Variants in STRN observed in about 807,000 individuals in gnomAD.
STRN encodes the protein striatin, also known as protein phosphatase 2 regulatory subunit B'''alpha.
Under a neutral mutation model 96.3 loss-of-function variants are expected in STRN, and 53 were observed. That is an observed-to-expected ratio of 0.55 (90% CI 0.44 to 0.69). The LOEUF (loss-of-function observed/expected upper bound fraction) is 0.69. Ranked by LOEUF, STRN falls within the 30% of genes least tolerant of loss-of-function variation. STRN has a pLI of 0.00. For synonymous variants in STRN, 428 were observed against 355.9 expected (o/e 1.20, Z -2.28); for missense variants, 987 against 963.9 (o/e 1.02, Z -0.32).
chr2:36,906,491 G>A (rs529912211), intron 3 of STRN, among the ~76,000 whole-genome samples: 4 of 151,952 alleles, frequency 2.6e-5, no homozygotes, highest in Non-Finnish European at 4.4e-5. Context: ...ATGAATGAAT[G>A]AGTAACAAAT....
At chr2:36,939,123 T>G (rs867804234) in intron 1 of STRN, among the ~76,000 whole-genome samples, 6 of 152,172 alleles carry the variant, frequency 3.9e-5, no homozygotes, top group Middle Eastern at 3.4e-3. Flanking sequence ...GTAGCTGGAA[T>G]TACAGGCACG....
chr2:36,965,739 C>T (rs1158904200), intron 1 of STRN, among the ~76,000 whole-genome samples: 2 of 152,186 alleles, frequency 1.3e-5, no homozygotes, highest in African/African-American at 4.8e-5. Context: ...GTCAACTTCT[C>T]GCCTCGACTC....
intron 1 of STRN, among the ~76,000 whole-genome samples, chr2:36,956,628 A>T (rs933662763): frequency 1.3e-5 from 2 of 152,226 alleles, no homozygotes; most frequent in East Asian, 1.9e-4. Context: ...CTGAACTTTC[A>T]AACACCTTTC....
intron 7 of STRN, among the ~76,000 whole-genome samples, chr2:36,890,723 A>G (rs1033638544): frequency 4.6e-5 from 7 of 152,036 alleles, no homozygotes; most frequent in Non-Finnish European, 1.0e-4. Flanking sequence ...ACCTCAGGTG[A>G]TCCACCCGCC....
rs1283006878 is a variant in STRN, at chr2:36,847,848, G to T, written c.*1608C>A. 1 of 152,090 alleles carries T rather than the reference G, an allele frequency of 6.6e-6. No homozygotes were observed. Among genetic ancestry groups the T allele is most frequent in the Non-Finnish European group, 1.5e-5 (1 of 68,000 alleles). The allele number at this position is 152,090 out of a possible 1,614,324, so 9.4% of individuals were successfully genotyped here. ...TCATTGTTATGACGATGGAAAATGT[G>T]GGGAATGGAATATGTAGAAATTGTT... On this transcript the variant is annotated 3_prime_UTR_variant, in exon 18 of 18. Transcript: ENST00000263918.
chr2:36,915,580 G>A (rs538321228), intron 3 of STRN, among the ~76,000 whole-genome samples: 1 of 152,262 alleles, frequency 6.6e-6, no homozygotes, highest in African/African-American at 2.4e-5. Context: ...GTTAAAACAT[G>A]TTCTAGTTAC....
At chr2:36,872,435 A>C (rs564219486) in intron 10 of STRN, among the ~76,000 whole-genome samples, 35 of 152,358 alleles carry the variant, frequency 2.3e-4, no homozygotes, top group African/African-American at 8.2e-4. Context: ...GCTCTGGCCA[A>C]CATCTTGATT....
intron 12 of STRN, among the ~76,000 whole-genome samples, chr2:36,863,329 A>G (rs1668542073): frequency 6.6e-6 from 1 of 152,110 alleles, no homozygotes; most frequent in Admixed American, 6.5e-5. Context: ...TAAGTCTTTA[A>G]TCCGTCTGAA....
rs2148112309 is a variant in STRN at position 36,842,852 on chromosome 2, A to C, written c.*6604T>G. On this transcript the variant is annotated 3_prime_UTR_variant, in exon 18 of 18. Coordinates refer to ENST00000263918, the MANE Select transcript of STRN (RefSeq NM_003162.4). ...ACTGGAGTGTTCTGGTCATCCTGAG[A>C]AGTAACAGGCGGAGGGATGCTCCAT... Among the ~76,000 whole-genome samples, 1 of 152,244 alleles carries C rather than the reference A, an allele frequency of 6.6e-6. No individual in the cohort carries two copies. The highest frequency in any genetic ancestry group is 2.4e-5 in the African/African-American group (1 of 41,552).
intron 1 of STRN, among the ~76,000 whole-genome samples, chr2:36,926,950 G>C (rs938652491): frequency 6.6e-6 from 1 of 152,082 alleles, no homozygotes; most frequent in African/African-American, 2.4e-5. Context: ...CCAAATGTTT[G>C]TCTATGCCAA....
At chr2:36,889,627 T>TGGGGGGGGG (rs1441506148) in intron 7 of STRN, among the ~76,000 whole-genome samples, 1 of 41,292 alleles carries the variant, frequency 2.4e-5, no homozygotes, top group African/African-American at 9.9e-5. Context: ...TTGGGGGGGG[T>TGGGGGGGGG]GGGGGGGAGT....
At chr2:36,852,752 T>C (rs1004440174) in intron 15 of STRN, among the ~76,000 whole-genome samples, 2 of 152,170 alleles carry the variant, frequency 1.3e-5, no homozygotes, top group South Asian at 2.1e-4. Flanking sequence ...CAGCTAAAAA[T>C]AGTCTAATCT....
chr2:36,964,188 G>GGGT (rs1665099136), intron 1 of STRN, among the ~76,000 whole-genome samples: 1 of 138,796 alleles, frequency 7.2e-6, no homozygotes, highest in African/African-American at 2.7e-5. Context: ...GGCGGGGCGG[G>GGGT]GGGAAGGATG....
chr2:36,939,059 C>T lies in STRN; in HGVS notation c.235-13851G>A, dbSNP rs1415980771. 2.0e-5 allele frequency among the ~76,000 whole-genome samples: 3 copies of T among 151,790 alleles called. No individual in the cohort carries two copies. The East Asian group carries it at 5.8e-4, about 29-fold the overall frequency. ...GGAGTGCAGTGGTGCGAGCTCGGCT[C>T]ACTGCAACCTCCAACTTGCTGGTTC... On this transcript the variant is annotated intron_variant, in intron 1 of 17. Transcript: ENST00000263918.
intron 12 of STRN, among the ~76,000 whole-genome samples, chr2:36,865,273 A>G (rs1004172814): frequency 1.3e-5 from 2 of 152,234 alleles, no homozygotes; most frequent in Non-Finnish European, 2.9e-5. Flanking sequence ...AGAGGTGTTC[A>G]TAACAGTTTC....
intron 1 of STRN, among the ~76,000 whole-genome samples, chr2:36,949,647 A>G (rs991774264): frequency 6.6e-6 from 1 of 152,338 alleles, no homozygotes; most frequent in Middle Eastern, 3.4e-3. Flanking sequence ...AAGAGTGACT[A>G]TAAGAAAGTG....
At chr2:36,912,573 G>A (rs763565609) in intron 3 of STRN, among the ~76,000 whole-genome samples, 2 of 151,880 alleles carry the variant, frequency 1.3e-5, no homozygotes, top group African/African-American at 2.4e-5. Flanking sequence ...TCACGTTTCC[G>A]TTCTTCTACC....
At chr2:36,874,260 T>C (rs551020930) in intron 10 of STRN, among the ~76,000 whole-genome samples, 1 of 143,580 alleles carries the variant, frequency 7.0e-6, no homozygotes, top group African/African-American at 2.6e-5. Context: ...CAAAACTCTG[T>C]CTCAAAAAAA....
chr2:36,849,508 T>C lies in STRN; in HGVS notation c.2291A>G (p.Lys764Arg). The C allele has an allele frequency of 6.2e-7, 1 of 1,614,138 alleles. No homozygotes were observed. The highest frequency in any genetic ancestry group is 8.5e-7 in the Non-Finnish European group (1 of 1,179,996). ...AGCTCCAGCACTGGCTATATAGCAT[T>C]TGGATGGGTGGAAAGCTACATCATG... ...SIHDVAFHPS[K>R]CYIASAGADA... is the part of the protein sequence containing the mutation. The change falls in exon 18 of 18, where the codon AAA becomes AGA. Residue 764 changes from lysine to arginine, a missense_variant. Lys to Arg is a conservative substitution (Grantham distance 26). Coordinates refer to ENST00000263918, the MANE Select transcript of STRN (RefSeq NM_003162.4).
Sources: allele counts gnomAD v4.1 joint callset (sites outside exome capture counted in the v4.1 genomes callset), GRCh38; gene constraint gnomAD v4.1.1; transcripts MANE v1.5; gene names NCBI Gene and HGNC (gene_info 2026-07-23, HGNC 2026-07-21).